The following DNAH7 variants were observed in gnomAD, a reference collection of about 807,000 sequenced individuals.
DNAH7 encodes the protein dynein axonemal heavy chain 7.
Under a neutral mutation model 444.6 loss-of-function variants are expected in DNAH7, and 397 were observed. The observed-to-expected ratio is 0.89, with a 90% CI of 0.82 to 0.97. The LOEUF (loss-of-function observed/expected upper bound fraction) is 0.97, where lower values mean the gene tolerates loss of function less well. DNAH7 is among the 50% of genes least tolerant of loss of function. The pLI, the probability that DNAH7 is intolerant of heterozygous loss-of-function variation, is 0.00. For missense variants in DNAH7, 4,902 were observed against 4,800.8 expected (o/e 1.02, Z -0.62); for synonymous variants, 1,636 against 1,624.4 (o/e 1.01, Z -0.17).
chr2:195,986,796 A>C (rs765882302), intron 14 of DNAH7, among the ~76,000 whole-genome samples: 14 of 152,208 alleles, frequency 9.2e-5, no homozygotes, highest in Non-Finnish European at 1.8e-4. Flanking sequence ...AATTTAGATA[A>C]TGTCCACTTG....
At chr2:195,857,175 G>A (rs1214822123) in intron 44 of DNAH7, among the ~76,000 whole-genome samples, 2 of 152,092 alleles carry the variant, frequency 1.3e-5, no homozygotes, top group Non-Finnish European at 2.9e-5. Context: ...AACAGTTCCT[G>A]AGTCCAAAAA....
At chr2:195,937,560 A>G (rs994647906) in intron 19 of DNAH7, among the ~76,000 whole-genome samples, 2 of 152,210 alleles carry the variant, frequency 1.3e-5, no homozygotes, top group African/African-American at 2.4e-5. Context: ...AAGAACTCAT[A>G]TTTTTTAAAA....
intron 10 of DNAH7, among the ~76,000 whole-genome samples, chr2:196,008,586 G>GT (rs1243484018): frequency 6.6e-6 from 1 of 152,140 alleles, no homozygotes; most frequent in Non-Finnish European, 1.5e-5. Context: ...CCATACTGAA[G>GT]TATCATTTGG....
At chr2:195,877,388 T>C (rs1489930497) in intron 36 of DNAH7, among the ~76,000 whole-genome samples, 1 of 152,198 alleles carries the variant, frequency 6.6e-6, no homozygotes, top group Non-Finnish European at 1.5e-5. Context: ...CACATATGAA[T>C]AAAGGAAGGG....
chr2:195,924,601 A>C, intron 22 of DNAH7, among the ~76,000 whole-genome samples: 1 of 151,926 alleles, frequency 6.6e-6, no homozygotes. Flanking sequence ...CACAAAAAAA[A>C]AAAAAGAGAG....
intron 49 of DNAH7, among the ~76,000 whole-genome samples, chr2:195,819,507 T>A (rs1697364402): frequency 6.6e-6 from 1 of 152,180 alleles, no homozygotes; most frequent in Non-Finnish European, 1.5e-5. Flanking sequence ...CCCAAAGGCA[T>A]TTTATATAAA....
chr2:196,020,607 C>CTTTT, intron 8 of DNAH7, among the ~76,000 whole-genome samples: 2 of 137,206 alleles, frequency 1.5e-5, no homozygotes, highest in Non-Finnish European at 3.1e-5. Flanking sequence ...TAATTTGGGG[C>CTTTT]TTTTGTTTTT....
chr2:196,001,554 T>G (rs1273122324), intron 11 of DNAH7, 121 bp downstream of exon 11: 3 of 927,882 alleles, frequency 3.2e-6, no homozygotes, highest in Non-Finnish European at 4.5e-6. Flanking sequence ...TTAAGATAAG[T>G]GTAATAGGTC....
intron 51 of DNAH7, among the ~76,000 whole-genome samples, chr2:195,816,067 A>G (rs1697205699): frequency 6.6e-6 from 1 of 152,252 alleles, no homozygotes; most frequent in South Asian, 2.1e-4. Context: ...AAAAAATCAA[A>G]TGAAATTTAA....
intron 1 of DNAH7, among the ~76,000 whole-genome samples, chr2:196,061,611 C>T (rs1450324657): frequency 1.3e-5 from 2 of 152,056 alleles, no homozygotes; most frequent in East Asian, 3.8e-4. Flanking sequence ...TTGAGCTTTA[C>T]CTAGAACATA....
chr2:196,068,468 C>G, intron 1 of DNAH7: 1 of 579,052 alleles, frequency 1.7e-6, no homozygotes, highest in Non-Finnish European at 2.9e-6. Flanking sequence ...CGCCGCTAGG[C>G]GGCTAGGTTT....
chr2:195,789,955 T>G (rs995206686), intron 57 of DNAH7, among the ~76,000 whole-genome samples: 4 of 152,188 alleles, frequency 2.6e-5, no homozygotes, highest in Admixed American at 6.5e-5. Context: ...CTCTTAGAAC[T>G]GATAAATGAC....
In DNAH7 at chr2:195,929,057, G is replaced by C. The variant is rs967856456; in HGVS notation, c.3472-2491C>G. 2.6e-5 allele frequency among the ~76,000 whole-genome samples: 4 copies of C among 151,844 alleles called. No homozygotes were observed. The East Asian group carries it at 7.7e-4, about 29-fold the overall frequency. On this transcript the variant is annotated intron_variant, in intron 21 of 64. Transcript: ENST00000312428. ...ATATAAAATCAATGTACAAAAATCG[G>C]TAACATTTCTATACCCCAATAATGT...
rs758876705 is a variant in DNAH7, at chr2:195,875,705, T to C, written c.6256A>G (p.Ile2086Val). ...KDCSMIKLVDIQIMCAMGPPG... is the reference protein window; with the variant it reads ...KDCSMIKLVDVQIMCAMGPPG... ...GGTCCCATAGCACACATGATCTGAA[T>C]GTCCACTAGTTTAATCATGGAACAA... Residue 2086 changes from isoleucine (I) to valine (V), a missense_variant, in exon 38 of 65, where the codon ATT (isoleucine) becomes GTT (valine). Ile to Val is a conservative substitution (Grantham distance 29, BLOSUM62 3). Coordinates refer to ENST00000312428, the MANE Select transcript of DNAH7 (RefSeq NM_018897.3). 57 of 1,604,804 alleles carry C rather than the reference T, an allele frequency of 3.6e-5. No individual in the cohort carries two copies. In the South Asian group the frequency reaches 6.0e-4, roughly 17 times the overall value.
chr2:195,941,107 G>T (rs150534993), intron 19 of DNAH7, among the ~76,000 whole-genome samples: 1,752 of 152,128 alleles, frequency 0.012, 37 homozygotes, highest in African/African-American at 0.04. Context: ...CAATAGCAAA[G>T]ACTTGGAACC....
At chr2:195,768,189 CTT>C (rs1343285031) in intron 61 of DNAH7, among the ~76,000 whole-genome samples, 1 of 146,912 alleles carries the variant, frequency 6.8e-6, no homozygotes, top group Non-Finnish European at 1.5e-5. Context: ...ATATATATAT[CTT>C]TTATATATAT....
At position 196,000,562 on chromosome 2, in the gene DNAH7, G is replaced by C. The variant is rs1325558929; in HGVS notation, c.1353+142C>G. On this transcript the variant is annotated intron_variant, in intron 12 of 64. Transcript: ENST00000312428. ...ATTTTGAGAGGCCATTTGGAAAATGGTAGTTTTTTAGGAAAACTTTCTTAT... is the reference window on the plus strand; with the variant it reads ...ATTTTGAGAGGCCATTTGGAAAATGCTAGTTTTTTAGGAAAACTTTCTTAT... 6 of 692,642 alleles carry C rather than the reference G, an allele frequency of 8.7e-6. No homozygotes were observed. The African/African-American group carries it at 1.1e-4, about 13-fold the overall frequency. 42.9% of individuals were successfully genotyped at this position (692,642 alleles called of 1,614,324 possible). A position where few individuals can be genotyped will look rare whatever the true frequency, so the allele number is the denominator to read the frequency against.
intron 61 of DNAH7, among the ~76,000 whole-genome samples, chr2:195,764,616 A>G (rs1694490088): frequency 6.6e-6 from 1 of 152,116 alleles, no homozygotes; most frequent in Non-Finnish European, 1.5e-5. Flanking sequence ...AAGGAAATCA[A>G]GAAATCAAGA....
chr2:195,921,725 C>T (rs902139230), intron 24 of DNAH7, among the ~76,000 whole-genome samples: 2 of 152,054 alleles, frequency 1.3e-5, no homozygotes, highest in African/African-American at 2.4e-5. Flanking sequence ...ACCACCTGTT[C>T]CCCATAAACC....
Sources: allele counts gnomAD v4.1 joint callset (sites outside exome capture counted in the v4.1 genomes callset), GRCh38; gene constraint gnomAD v4.1.1; transcripts MANE v1.5; gene names NCBI Gene and HGNC (gene_info 2026-07-23, HGNC 2026-07-21).